Variants in MTG1 observed in about 807,000 individuals in gnomAD.
The protein encoded by MTG1 is mitochondrial ribosome-associated GTPase 1.
A neutral mutation model predicts 39.5 loss-of-function variants in MTG1; 30 were observed. The observed-to-expected ratio is 0.76, with a 90% CI of 0.57 to 1.03. The LOEUF is 1.03. Ranked by LOEUF, MTG1 falls within the 50% of genes least tolerant of loss-of-function variation. The probability of loss-of-function intolerance (pLI) is 0.00; values close to 1 mark genes in which losing one functional copy is unlikely to be tolerated. For missense variants in MTG1, 513 were observed against 447.4 expected (o/e 1.15, Z -1.32); for synonymous variants, 217 against 179.0 (o/e 1.21, Z -1.69).
In MTG1 at chr10:133,420,021, C is replaced by T; in HGVS notation, c.866-5C>T. On this transcript the variant is annotated splice_region_variant and splice_polypyrimidine_tract_variant and intron_variant, in intron 10 of 10. Coordinates refer to ENST00000317502, the MANE Select transcript of MTG1 (RefSeq NM_138384.4). ...CCTTCCTCACTGAACCCTCCCGTCC[C>T]CCAGGTAACGTGAACATTATTCAGC... 1.2e-6 allele frequency: 2 copies of T among 1,605,624 alleles called. No individual in the cohort carries two copies. The highest frequency in any genetic ancestry group is 1.3e-5 in the African/African-American group (1 of 74,948).
chr10:133,409,532 CAGTT>C (rs1850015245), intron 9 of MTG1, among the ~76,000 whole-genome samples: 1 of 152,158 alleles, frequency 6.6e-6, no homozygotes, highest in Non-Finnish European at 1.5e-5. Flanking sequence ...CTGTAAATGT[CAGTT>C]AGACCTGTTT....
At chr10:133,410,168 C>T (rs187327473) in intron 9 of MTG1, among the ~76,000 whole-genome samples, 22 of 152,212 alleles carry the variant, frequency 1.4e-4, no homozygotes, top group Non-Finnish European at 3.1e-4. Flanking sequence ...ACCGCAGCCT[C>T]CTGATAGTTA....
At chr10:133,408,946 T>A (rs1288606676) in intron 9 of MTG1, among the ~76,000 whole-genome samples, 1 of 152,168 alleles carries the variant, frequency 6.6e-6, no homozygotes, top group Non-Finnish European at 1.5e-5. Flanking sequence ...AAATTCTAGC[T>A]AAATGTTTGT....
rs376468085 is a variant in MTG1, at chr10:133,395,662, A to G, written c.113-51A>G. 8.3e-6 allele frequency: 13 copies of G among 1,574,564 alleles called. No individual in the cohort carries two copies. The Admixed American group carries it at 1.4e-4, about 16-fold the overall frequency. ...CTGGACGGTTCAGCTTGAATCGATC[A>G]CTCTAGAAAGGTTGTGAGCCCCTTC... On this transcript the variant is annotated intron_variant, in intron 1 of 10. Transcript: ENST00000317502.
intron 1 of MTG1, among the ~76,000 whole-genome samples, chr10:133,395,389 C>T (rs1017991375): frequency 6.6e-6 from 1 of 152,066 alleles, no homozygotes. Flanking sequence ...AGCAAGACTC[C>T]GTCTCAGAAA....
intron 9 of MTG1, among the ~76,000 whole-genome samples, chr10:133,418,514 A>G (rs980090771): frequency 5.3e-5 from 8 of 151,932 alleles, no homozygotes; most frequent in Non-Finnish European, 7.4e-5. Flanking sequence ...TTGGAGCACC[A>G]GGGCACCCTT....
At chr10:133,398,570 G>A in intron 4 of MTG1, 55 bp downstream of exon 4, 1 of 1,561,222 alleles carries the variant, frequency 6.4e-7, no homozygotes, top group Non-Finnish European at 8.7e-7. Flanking sequence ...GGTTCGAGGA[G>A]CATTATAAAC....
chr10:133,402,593 A>G lies in MTG1; in HGVS notation c.671-99A>G. The G allele has an allele frequency of 2.7e-6, 3 of 1,102,636 alleles. No individual in the cohort carries two copies. The highest frequency in any genetic ancestry group is 2.9e-5 in the South Asian group (2 of 68,778). 68.3% of individuals were successfully genotyped at this position (1,102,636 alleles called of 1,614,324 possible). ...CAGTGGCTGGCCTCTTCCTCACGGC[A>G]CGGTGTCTTTGGGCTAGGACTGGAA... is the stretch of plus-strand genomic sequence containing the variant. On this transcript the variant is annotated intron_variant, in intron 8 of 10. Transcript: ENST00000317502. The surrounding 1 kb of genome is among the most constrained non-coding windows in gnomAD (Gnocchi z 4.7).
intron 1 of MTG1, 26 bp from the exon 2 acceptor site, chr10:133,395,687 C>G: frequency 1.2e-6 from 2 of 1,612,612 alleles, no homozygotes; most frequent in Non-Finnish European, 1.7e-6. Context: ...TGAGCCCCTT[C>G]GCTGAGGCGT....
Position 133,402,035 on chromosome 10 carries a change from C to A in MTG1, c.574-114C>A. 8.0e-7 allele frequency: 1 copy of A among 1,251,658 alleles called. No homozygotes were observed. The highest frequency in any genetic ancestry group is 1.2e-6 in the Non-Finnish European group (1 of 868,488). The allele number at this position is 1,251,658 out of a possible 1,614,324, so 77.5% of individuals were successfully genotyped here. ...GAGTGACGCTGCCATGGGGTTGGGT[C>A]CCTGAGGCCTTCCTCGGAGCATTGG... On this transcript the variant is annotated intron_variant, in intron 7 of 10. Coordinates refer to ENST00000317502, the MANE Select transcript of MTG1 (RefSeq NM_138384.4). The surrounding 1 kb of genome is among the most constrained non-coding windows in gnomAD (Gnocchi z 4.7).
intron 9 of MTG1, among the ~76,000 whole-genome samples, chr10:133,410,477 A>G (rs571920314): frequency 5.5e-4 from 83 of 151,786 alleles, no homozygotes; most frequent in Non-Finnish European, 1.0e-3. Flanking sequence ...TTCCTTTTTT[A>G]CTGTCTTCCT....
At chr10:133,399,351 C>T in intron 5 of MTG1, 125 bp downstream of exon 5, 3 of 1,278,520 alleles carry the variant, frequency 2.3e-6, no homozygotes, top group Non-Finnish European at 3.4e-6. Flanking sequence ...TTTGTCCTCT[C>T]ATTCTCTTCA....
In MTG1 at chr10:133,396,256, A is replaced by G. The variant is rs1564817849; in HGVS notation, c.271A>G (p.Thr91Ala). Residue 91 changes from threonine (T) to alanine (A), a missense_variant, in exon 3 of 11, where the codon ACA (threonine) becomes GCA (alanine). By Grantham distance (58) the Thr-to-Ala change is moderately conservative. Transcript: ENST00000317502. The stretch of plus-strand genomic sequence containing the variant: ...CAACAAGATGGACTTGGCGGATCTT[A>G]CAGAGCAGCAGGTAAAGGCCTTTCT... ...VLNKMDLADLTEQQKIMQHLE... is the reference protein window; with the variant it reads ...VLNKMDLADLAEQQKIMQHLE... 1 of 1,614,036 alleles carries G rather than the reference A, an allele frequency of 6.2e-7. No homozygotes were observed. The highest frequency in any genetic ancestry group is 8.5e-7 in the Non-Finnish European group (1 of 1,179,872).
rs191428476 is a variant in MTG1 at position 133,397,627 on chromosome 10, C to T, written c.283-808C>T. Among the ~76,000 whole-genome samples the T allele has an allele frequency of 6.7e-3, 1,016 of 152,048 alleles. 12 individuals carry two copies. Among genetic ancestry groups the T allele is most frequent in the African/African-American group, 0.024 (980 of 41,448 alleles). On this transcript the variant is annotated intron_variant, in intron 3 of 10. Coordinates refer to ENST00000317502, the MANE Select transcript of MTG1 (RefSeq NM_138384.4). ...CTGAGCAGCCGGGACTACAGGCGCC[C>T]GCCACCATGCCCGGCTAATTTTTTG...
chr10:133,402,579 C>T lies in MTG1; in HGVS notation c.671-113C>T. ...GTTAGTGTCTTTGTCAGTGGCTGGC[C>T]TCTTCCTCACGGCACGGTGTCTTTG... On this transcript the variant is annotated intron_variant, in intron 8 of 10. Coordinates refer to ENST00000317502, the MANE Select transcript of MTG1 (RefSeq NM_138384.4). This position sits in a 1 kb window ranked among gnomAD's most constrained non-coding sequence, Gnocchi z 4.7. 1.0e-6 allele frequency: 1 copy of T among 990,786 alleles called. No homozygotes were observed. The highest frequency in any genetic ancestry group is 1.5e-6 in the Non-Finnish European group (1 of 663,218). 61.4% of individuals were successfully genotyped at this position (990,786 alleles called of 1,614,324 possible). A position where few individuals can be genotyped will look rare whatever the true frequency, so the allele number is the denominator to read the frequency against.
chr10:133,419,918 TC>T (rs1176924721), intron 10 of MTG1, 107 bp from the exon 11 acceptor site: 3 of 1,317,974 alleles, frequency 2.3e-6, no homozygotes, highest in Non-Finnish European at 2.1e-6. Context: ...TCCCTGGGCT[TC>T]CCTGATGCCA....
rs1589912271 is a variant in MTG1, at chr10:133,402,858, G to A, written c.752+85G>A. 1 of 1,043,208 alleles carries A rather than the reference G, an allele frequency of 9.6e-7. No homozygotes were observed. The highest frequency in any genetic ancestry group is 1.6e-5 in the African/African-American group (1 of 61,704). 64.6% of individuals were successfully genotyped at this position (1,043,208 alleles called of 1,614,324 possible). A position where few individuals can be genotyped will look rare whatever the true frequency, so the allele number is the denominator to read the frequency against. Reference sequence around the variant, plus strand: ...AAAAAAACAAACAAAAAAACCCCCAGCATTATAAAGGTATTATAAACACGG... The same window carrying A: ...AAAAAAACAAACAAAAAAACCCCCAACATTATAAAGGTATTATAAACACGG... On this transcript the variant is annotated intron_variant, in intron 9 of 10. Coordinates refer to ENST00000317502, the MANE Select transcript of MTG1 (RefSeq NM_138384.4). This position sits in a 1 kb window ranked among gnomAD's most constrained non-coding sequence, Gnocchi z 4.7.
At position 133,395,745 on chromosome 10, in the gene MTG1, G is replaced by C. The variant is rs766433899; in HGVS notation, c.145G>C (p.Val49Leu). The stretch of plus-strand genomic sequence containing the variant: ...GAAGATGCAGAGCAGCCTGAAGCTG[G>C]TGGACTGTATCATCGAGGTCCACGA... ...LKKMQSSLKL[V>L]DCIIEVHDAR... is the part of the protein sequence containing the mutation. Residue 49 changes from valine to leucine, a missense_variant, in exon 2 of 11, where the codon GTG (valine) becomes CTG (leucine). By Grantham distance (32) the Val-to-Leu change is conservative. Coordinates refer to ENST00000317502, the MANE Select transcript of MTG1 (RefSeq NM_138384.4). 17 of 1,614,130 alleles carry C rather than the reference G, an allele frequency of 1.1e-5. No homozygotes were observed. The South Asian group carries it at 1.9e-4, about 18-fold the overall frequency.
Position 133,402,761 on chromosome 10 carries a change from A to G in MTG1, c.740A>G (p.His247Arg), listed in dbSNP as rs946756444. 55 of 1,604,218 alleles carry G rather than the reference A, an allele frequency of 3.4e-5. No individual in the cohort carries two copies. The highest frequency in any genetic ancestry group is 4.4e-5 in the Non-Finnish European group (52 of 1,175,954). Residue 247 changes from histidine to arginine, a missense_variant, in exon 9 of 11, where the codon CAC becomes CGC. Coordinates refer to ENST00000317502, the MANE Select transcript of MTG1 (RefSeq NM_138384.4). The surrounding 1 kb of genome is among the most constrained non-coding windows in gnomAD (Gnocchi z 4.7). Reference sequence around the variant, plus strand: ...TACCTGCTGTACACCCTCAACAAACACCAGCGCTTTGGGTGAGTGCAGTGA... The same window carrying G: ...TACCTGCTGTACACCCTCAACAAACGCCAGCGCTTTGGGTGAGTGCAGTGA... The part of the protein sequence containing the change: ...ADYLLYTLNK[H>R]QRFGYVQHYG...
Sources: allele counts gnomAD v4.1 joint callset (sites outside exome capture counted in the v4.1 genomes callset), GRCh38; gene constraint gnomAD v4.1.1; non-coding constraint Gnocchi (gnomAD v3.1); transcripts MANE v1.5; gene names NCBI Gene and HGNC (gene_info 2026-07-23, HGNC 2026-07-21).